TET2: variants seen among roughly 807,000 people sequenced by gnomAD.
TET2 encodes the protein tet methylcytosine dioxygenase 2, also known as methylcytosine dioxygenase TET2.
In TET2, 299 loss-of-function variants were observed where a neutral mutation model predicts 142.9. The observed-to-expected ratio is 2.09, with a 90% CI of 1.90 to 2.30. The LOEUF (loss-of-function observed/expected upper bound fraction) is 2.30. TET2 is among the 30% of genes most tolerant of loss of function. The probability of loss-of-function intolerance (pLI) is 0.00; values close to 1 mark genes in which losing one functional copy is unlikely to be tolerated. For missense variants in TET2, 2,418 were observed against 2,378.0 expected (o/e 1.02, Z -0.35); for synonymous variants, 819 against 849.0 (o/e 0.96, Z 0.61).
At chr4:105,240,480 G>C in intron 3 of TET2, 1 of 1,077,020 alleles carries the variant, frequency 9.3e-7, no homozygotes, top group Non-Finnish European at 1.1e-6. Context: ...CATTTGAAAA[G>C]ACAAATGTTA....
intron 9 of TET2, among the ~76,000 whole-genome samples, chr4:105,271,692 A>G (rs1730971712): frequency 6.6e-6 from 1 of 152,224 alleles, no homozygotes; most frequent in African/African-American, 2.4e-5. Flanking sequence ...TTTAGATCAC[A>G]TTAGATCACA....
At position 105,241,230 on chromosome 4, in the gene TET2, G is replaced by A. The variant is rs1729280481; in HGVS notation, c.3410-109G>A. On this transcript the variant is annotated intron_variant, in intron 3 of 10. Transcript: ENST00000380013. ...ATTTTAAAGAAAAAAAAATTTTAAA[G>A]TCACTTTTAGAGCCCTTAATGTGTA... 3.7e-6 allele frequency: 5 copies of A among 1,345,710 alleles called. No homozygotes were observed. In the East Asian group the frequency reaches 1.4e-4, roughly 37 times the overall value. 83.4% of individuals were successfully genotyped at this position (1,345,710 alleles called of 1,614,324 possible).
At chr4:105,173,667 G>T (rs2110425453) in intron 1 of TET2, among the ~76,000 whole-genome samples, 1 of 152,244 alleles carries the variant, frequency 6.6e-6, no homozygotes. Flanking sequence ...GTGATGACAT[G>T]AGGAAAAAAG....
At chr4:105,186,285 C>T (rs1482253557) in intron 1 of TET2, among the ~76,000 whole-genome samples, 1 of 152,048 alleles carries the variant, frequency 6.6e-6, no homozygotes, top group East Asian at 1.9e-4. Flanking sequence ...GGAATGAGAA[C>T]ATTTAAATGT....
chr4:105,188,497 T>A (rs1224066229), intron 1 of TET2, among the ~76,000 whole-genome samples: 1 of 152,204 alleles, frequency 6.6e-6, no homozygotes, highest in African/African-American at 2.4e-5. Flanking sequence ...AATAGTATAC[T>A]TAAATATGGT....
intron 6 of TET2, among the ~76,000 whole-genome samples, chr4:105,256,568 A>G (rs1208314883): frequency 6.6e-6 from 1 of 152,082 alleles, no homozygotes; most frequent in Non-Finnish European, 1.5e-5. Flanking sequence ...GTTTATATGT[A>G]TGCATATCTT....
intron 2 of TET2, among the ~76,000 whole-genome samples, chr4:105,195,406 A>C (rs1726026318): frequency 6.6e-6 from 1 of 152,194 alleles, no homozygotes; most frequent in Non-Finnish European, 1.5e-5. Flanking sequence ...AAAGACTAGA[A>C]AAACAAGTAA....
intron 1 of TET2, among the ~76,000 whole-genome samples, chr4:105,168,910 C>T (rs1724305294): frequency 6.6e-6 from 1 of 152,176 alleles, no homozygotes; most frequent in Non-Finnish European, 1.5e-5. Flanking sequence ...CTGCAAATGC[C>T]ATTAATTCAT....
At chr4:105,173,797 T>C (rs1724618832) in intron 1 of TET2, among the ~76,000 whole-genome samples, 1 of 152,204 alleles carries the variant, frequency 6.6e-6, no homozygotes, top group Non-Finnish European at 1.5e-5. Context: ...TTCTTAGAAT[T>C]CCTGTTAACA....
Position 105,234,351 on chromosome 4 carries a change from A to C in TET2, c.409A>C (p.Ser137Arg). ...VSQERNPGES[S>R]QPNVSDLSDK... ...CCAAGAAAGAAATCCAGGTGAAAGC[A>C]GTCAACCAAATGTCTCCGATTTGAG... The change falls in exon 3 of 11, where the codon AGT (serine) becomes CGT (arginine). Residue 137 changes from serine to arginine, a missense_variant. By Grantham distance (110) the Ser-to-Arg change is moderately radical (BLOSUM62 -1). Coordinates refer to ENST00000380013, the MANE Select transcript of TET2 (RefSeq NM_001127208.3). 6.2e-7 allele frequency: 1 copy of C among 1,614,090 alleles called. No individual in the cohort carries two copies. The highest frequency in any genetic ancestry group is 8.5e-7 in the Non-Finnish European group (1 of 1,180,016).
intron 1 of TET2, among the ~76,000 whole-genome samples, chr4:105,155,151 G>A (rs1578530415): frequency 6.6e-6 from 1 of 152,242 alleles, no homozygotes; most frequent in East Asian, 1.9e-4. Context: ...AAAACAGAAG[G>A]GCAATGCAGG....
intron 2 of TET2, among the ~76,000 whole-genome samples, chr4:105,230,794 G>A (rs974950560): frequency 6.6e-6 from 1 of 151,878 alleles, no homozygotes; most frequent in African/African-American, 2.4e-5. Context: ...CATCTTTTAT[G>A]ACTTCTAGAT....
At chr4:105,215,853 A>G (rs1727460476) in intron 2 of TET2, among the ~76,000 whole-genome samples, 1 of 152,184 alleles carries the variant, frequency 6.6e-6, no homozygotes, top group Non-Finnish European at 1.5e-5. Flanking sequence ...CTTTTTTAGC[A>G]GAGCAGTGTA....
chr4:105,279,299 G>A lies in TET2; in HGVS notation c.*2780G>A, dbSNP rs1357411131. 8.6e-6 allele frequency: 2 copies of A among 231,812 alleles called. No individual in the cohort carries two copies. The highest frequency in any genetic ancestry group is 1.7e-5 in the Non-Finnish European group (2 of 117,328). The allele number at this position is 231,812 out of a possible 1,614,324, so 14.4% of individuals were successfully genotyped here. ...CAGGAAGTATAGTTTGGGGGGTTGGGGAGAGTTTACATAAGGAAGAGAAGA... is the reference window on the plus strand; with the variant it reads ...CAGGAAGTATAGTTTGGGGGGTTGGAGAGAGTTTACATAAGGAAGAGAAGA... On this transcript the variant is annotated 3_prime_UTR_variant, in exon 11 of 11. Transcript: ENST00000380013.
intron 1 of TET2, among the ~76,000 whole-genome samples, chr4:105,156,885 G>GTT (rs1171662180): frequency 2.0e-5 from 3 of 151,792 alleles, no homozygotes; most frequent in Non-Finnish European, 1.5e-5. Flanking sequence ...TTTTTAACCT[G>GTT]TTTGTTCTTT....
At chr4:105,261,081 T>TG (rs1730399821) in intron 7 of TET2, among the ~76,000 whole-genome samples, 1 of 152,020 alleles carries the variant, frequency 6.6e-6, no homozygotes. Flanking sequence ...TTTTTTTTTT[T>TG]AGAGAAATAT....
Position 105,235,896 on chromosome 4 carries a change from CA to C in TET2, c.1955del (p.Gln652ArgfsTer48). 6.2e-7 allele frequency: 1 copy of C among 1,614,066 alleles called. No individual in the cohort carries two copies. Among genetic ancestry groups the C allele is most frequent in the Non-Finnish European group, 8.5e-7 (1 of 1,180,012 alleles). On this transcript the variant is annotated frameshift_variant, in exon 3 of 11. Transcript: ENST00000380013. LOFTEE classifies it high-confidence loss of function. ...CCAAGGTACAGTGGACCAACATCTC[CA>C]GTTCCAAAAACCCTCACACCAGGTG... ...QSQGTVDQHL[Q>X]FQKPSHQVHF...
intron 9 of TET2, among the ~76,000 whole-genome samples, chr4:105,271,010 CAG>C (rs1730926811): frequency 6.6e-6 from 1 of 152,110 alleles, no homozygotes; most frequent in Non-Finnish European, 1.5e-5. Context: ...TGTTCTAGAT[CAG>C]AGATTGGAAA....
At chr4:105,253,293 C>T (rs1560559481) in intron 6 of TET2, among the ~76,000 whole-genome samples, 1 of 152,140 alleles carries the variant, frequency 6.6e-6, no homozygotes, top group Non-Finnish European at 1.5e-5. Flanking sequence ...GCCATCTTGA[C>T]AATACACATC....
Sources: gnomAD v4.1 joint callset for allele counts (sites outside exome capture counted in the v4.1 genomes callset) on GRCh38, gnomAD v4.1.1 for gene constraint, MANE v1.5 for transcripts, NCBI Gene and HGNC (gene_info 2026-07-23, HGNC 2026-07-21) for gene names.